Variants in UBTD2 observed in about 807,000 individuals in gnomAD.
UBTD2 encodes the protein ubiquitin domain-containing protein 2.
UBTD2 carries 9 observed loss-of-function variants against 19.8 expected under a neutral mutation model. The observed-to-expected ratio is 0.46, with a 90% CI of 0.27 to 0.79. The LOEUF (loss-of-function observed/expected upper bound fraction) is 0.79, where lower values mean the gene tolerates loss of function less well. Among genes scored for constraint, UBTD2 ranks in the 30% least tolerant of loss-of-function variants. The pLI, the probability that UBTD2 is intolerant of heterozygous loss-of-function variation, is 0.14. For synonymous variants in UBTD2, 98 were observed against 103.9 expected (o/e 0.94, Z 0.35); for missense variants, 250 against 300.4 (o/e 0.83, Z 1.24).
At chr5:172,236,712 G>C (rs1290274544) in intron 1 of UBTD2, among the ~76,000 whole-genome samples, 1 of 152,298 alleles carries the variant, frequency 6.6e-6, no homozygotes, top group Admixed American at 6.5e-5. Flanking sequence ...TTGGGTCTGA[G>C]TATTTCTACA....
Position 172,234,230 on chromosome 5 carries a change from G to C in UBTD2, c.199C>G (p.Arg67Gly). The stretch of plus-strand genomic sequence containing the variant: ...TTCAAGGCATCCCAAATCTCTTTCC[G>C]GCCTTCAAAAGCTGGTGCTGTATCC... The part of the protein sequence containing the change: ...FWDTAPAFEG[R>G]KEIWDALKAA... The change falls in exon 2 of 3, where the codon CGG (arginine) becomes GGG (glycine). Residue 67 changes from arginine (R) to glycine (G), a missense_variant. Physicochemically the swap from Arg to Gly is moderately radical, Grantham distance 125. Transcript: ENST00000393792. 1 of 1,614,062 alleles carries C rather than the reference G, an allele frequency of 6.2e-7. No individual in the cohort carries two copies. Among genetic ancestry groups the C allele is most frequent in the South Asian group, 1.1e-5 (1 of 91,070 alleles).
At chr5:172,220,945 A>G (rs999679347) in intron 2 of UBTD2, among the ~76,000 whole-genome samples, 1 of 152,240 alleles carries the variant, frequency 6.6e-6, no homozygotes, top group African/African-American at 2.4e-5. Flanking sequence ...GTTAATATAC[A>G]AAAGTCAACT....
intron 2 of UBTD2, among the ~76,000 whole-genome samples, chr5:172,225,213 A>G (rs1269824004): frequency 6.6e-6 from 1 of 152,190 alleles, no homozygotes; most frequent in Non-Finnish European, 1.5e-5. Context: ...TCCTCATGGT[A>G]GGAAGAAAGC....
chr5:172,235,818 T>G (rs1231701936), intron 1 of UBTD2, among the ~76,000 whole-genome samples: 3 of 152,046 alleles, frequency 2.0e-5, no homozygotes, highest in Non-Finnish European at 2.9e-5. Flanking sequence ...GGATAGAAGA[T>G]AGAAAGAAAA....
chr5:172,276,698 C>T (rs1207977993), intron 1 of UBTD2, among the ~76,000 whole-genome samples: 1 of 142,662 alleles, frequency 7.0e-6, no homozygotes, highest in East Asian at 2.0e-4. Context: ...GGTGCAGAGA[C>T]AAAGAAAGGG....
chr5:172,221,280 G>A (rs1476921507), intron 2 of UBTD2, among the ~76,000 whole-genome samples: 1 of 152,114 alleles, frequency 6.6e-6, no homozygotes, highest in Non-Finnish European at 1.5e-5. Flanking sequence ...ATGGTGGGAG[G>A]ATGGCTTGAG....
chr5:172,266,966 G>T (rs777180407), intron 1 of UBTD2, among the ~76,000 whole-genome samples: 1 of 149,478 alleles, frequency 6.7e-6, no homozygotes, highest in Admixed American at 6.8e-5. Context: ...TTGCTTGACC[G>T]CCCAGGAGTT....
upstream of UBTD2, chr5:172,283,984 C>T (rs1281082402): frequency 6.7e-6 from 1 of 149,072 alleles, no homozygotes; most frequent in East Asian, 1.9e-4. This position sits in a 1 kb window ranked among gnomAD's most constrained non-coding sequence, Gnocchi z 4.3. Flanking sequence ...GCCTCGCCCC[C>T]TCACAGCCCC....
intron 1 of UBTD2, among the ~76,000 whole-genome samples, chr5:172,267,308 C>T (rs1755396785): frequency 6.6e-6 from 1 of 152,186 alleles, no homozygotes; most frequent in Non-Finnish European, 1.5e-5. Flanking sequence ...TGGAATGAAG[C>T]TTTTCTTGCC....
At chr5:172,257,091 T>C (rs1755169607) in intron 1 of UBTD2, among the ~76,000 whole-genome samples, 1 of 152,178 alleles carries the variant, frequency 6.6e-6, no homozygotes, top group Non-Finnish European at 1.5e-5. Context: ...GTCACCCAGG[T>C]AGCAAGCACA....
chr5:172,264,371 C>G (rs1241325358), intron 1 of UBTD2, among the ~76,000 whole-genome samples: 1 of 151,536 alleles, frequency 6.6e-6, no homozygotes, highest in Non-Finnish European at 1.5e-5. Flanking sequence ...ATGGTGAAAC[C>G]CCATCTCTAC....
At chr5:172,276,119 C>T (rs868190624) in intron 1 of UBTD2, among the ~76,000 whole-genome samples, 14 of 152,276 alleles carry the variant, frequency 9.2e-5, no homozygotes, top group South Asian at 6.2e-4. Flanking sequence ...TTCTAACATG[C>T]TCCCAAGGTG....
chr5:172,223,247 G>C (rs1771687340), intron 2 of UBTD2, among the ~76,000 whole-genome samples: 1 of 152,092 alleles, frequency 6.6e-6, no homozygotes, highest in Non-Finnish European at 1.5e-5. Context: ...AGCAGATTGG[G>C]AAAAGTCAGG....
intron 1 of UBTD2, among the ~76,000 whole-genome samples, chr5:172,245,865 C>G (rs905599678): frequency 2.0e-5 from 3 of 152,216 alleles, no homozygotes; most frequent in Non-Finnish European, 4.4e-5. Flanking sequence ...GCAGAACATG[C>G]CGGCTGAACC....
intron 1 of UBTD2, chr5:172,254,933 G>A (rs1288077566): frequency 3.9e-6 from 2 of 510,176 alleles, no homozygotes; most frequent in Admixed American, 2.7e-5. Flanking sequence ...CCTCCTCAAG[G>A]AGACCATGAG....
chr5:172,226,250 G>A (rs1359074241), intron 2 of UBTD2, among the ~76,000 whole-genome samples: 1 of 152,074 alleles, frequency 6.6e-6, no homozygotes, highest in African/African-American at 2.4e-5. Flanking sequence ...ACAGTGGGGT[G>A]AACGTTCAGG....
At chr5:172,242,517 C>T (rs907861319) in intron 1 of UBTD2, 4 of 743,194 alleles carry the variant, frequency 5.4e-6, no homozygotes, top group Non-Finnish European at 6.6e-6. Flanking sequence ...TTCCTTTACC[C>T]TTTGTATTAA....
chr5:172,274,298 G>A lies in UBTD2; in HGVS notation c.70+9298C>T, dbSNP rs1404193021. On this transcript the variant is annotated intron_variant, in intron 1 of 2. Transcript: ENST00000393792. Reference sequence around the variant, plus strand: ...TAGGACTACAGGCACGTGCCACCATGCCCAGCTAATTTTTGTATTTTTAGC... The same window carrying A: ...TAGGACTACAGGCACGTGCCACCATACCCAGCTAATTTTTGTATTTTTAGC... 3.9e-5 allele frequency among the ~76,000 whole-genome samples: 6 copies of A among 151,930 alleles called. No homozygotes were observed. In the South Asian group the frequency reaches 1.2e-3, roughly 32 times the overall value.
Position 172,272,797 on chromosome 5 carries a change from G to A in UBTD2, c.70+10799C>T, listed in dbSNP as rs1755519889. 2.0e-5 allele frequency among the ~76,000 whole-genome samples: 3 copies of A among 152,130 alleles called. No homozygotes were observed. In the South Asian group the frequency reaches 6.2e-4, roughly 31 times the overall value. ...ACCCATCTATTAAAATCTGTCCAAA[G>A]AGGCCAGGTGCGGTCGCTCACGCCT... On this transcript the variant is annotated intron_variant, in intron 1 of 2. Coordinates refer to ENST00000393792, the MANE Select transcript of UBTD2 (RefSeq NM_152277.3).
Sources: gnomAD v4.1 joint callset for allele counts (sites outside exome capture counted in the v4.1 genomes callset) on GRCh38, gnomAD v4.1.1 for gene constraint, Gnocchi (gnomAD v3.1) non-coding constraint, MANE v1.5 for transcripts, NCBI Gene and HGNC (gene_info 2026-07-23, HGNC 2026-07-21) for gene names.